FRS2: variants seen among roughly 807,000 people sequenced by gnomAD.
The protein encoded by FRS2 is FGFR signalling adaptor.
FRS2 carries 8 observed loss-of-function variants against 43.9 expected under a neutral mutation model. That is an observed-to-expected ratio of 0.18 (90% CI 0.11 to 0.33). The LOEUF (loss-of-function observed/expected upper bound fraction) is 0.33. FRS2 is among the 10% of genes least tolerant of loss of function. The probability of loss-of-function intolerance (pLI) is 1.00; values close to 1 mark genes in which losing one functional copy is unlikely to be tolerated. For synonymous variants in FRS2, 219 were observed against 220.3 expected, an observed-to-expected ratio of 0.99 and a Z score of 0.05; for missense variants, 534 against 627.6, an observed-to-expected ratio of 0.85 and a Z score of 1.59.
chr12:69,505,223 G>C (rs897699573), intron 1 of FRS2, among the ~76,000 whole-genome samples: 1 of 152,138 alleles, frequency 6.6e-6, no homozygotes, highest in Non-Finnish European at 1.5e-5. Context: ...ATTAGCAAAT[G>C]AGGAAATGGA....
rs192716676 is a variant in FRS2, at chr12:69,513,940, G to A, written c.-260-16925G>A. Among the ~76,000 whole-genome samples, 6 of 152,062 alleles carry A rather than the reference G, an allele frequency of 3.9e-5. No homozygotes were observed. The East Asian group carries it at 1.2e-3, about 29-fold the overall frequency. The stretch of plus-strand genomic sequence containing the variant: ...AGATATTTCTCACTTTCTAAATTAA[G>A]AAAATAATTATCTATAATTTATAAA... On this transcript the variant is annotated intron_variant, in intron 1 of 8. Transcript: ENST00000549921.
rs561795723 is a variant in FRS2, at chr12:69,536,147, C to T, written c.-122+4091C>T. Among the ~76,000 whole-genome samples, 107 of 44,704 alleles carry T rather than the reference C, an allele frequency of 2.4e-3. 5 individuals are homozygous for T. Among genetic ancestry groups the T allele is most frequent in the African/African-American group, 4.8e-3 (61 of 12,726 alleles). The allele number at this position is 44,704 out of a possible 152,430, so 29.3% of individuals were successfully genotyped here. On this transcript the variant is annotated intron_variant, in intron 3 of 8. Transcript: ENST00000549921. The stretch of plus-strand genomic sequence containing the variant: ...TTTTTTTTTTTTTTTTTTTTGGAGA[C>T]GAAGTCTTACTCTGTTACCCAGGCT...
rs760085317 is a variant in FRS2, at chr12:69,574,581, A to T, written c.1153A>T (p.Asn385Tyr). 2 of 1,613,928 alleles carry T rather than the reference A, an allele frequency of 1.2e-6. No homozygotes were observed. Among genetic ancestry groups the T allele is most frequent in the Admixed American group, 3.3e-5 (2 of 59,998 alleles). The change falls in exon 9 of 9, where the codon AAT becomes TAT. Residue 385 changes from asparagine (N) to tyrosine (Y), a missense_variant. This residue lies in a region of FRS2 where 446 missense variants were observed against 494.2 expected (regional missense o/e 0.90). Coordinates refer to ENST00000549921, the MANE Select transcript of FRS2 (RefSeq NM_001278356.2). ...CCCATCTCTAAATGGCTACCATAAT[A>T]ATCTAGATCCAATGCATAACTATGT... ...KTPSLNGYHN[N>Y]LDPMHNYVNT...
intron 1 of FRS2, among the ~76,000 whole-genome samples, chr12:69,489,576 A>G (rs1592926658): frequency 1.3e-5 from 2 of 151,756 alleles, no homozygotes; most frequent in East Asian, 3.9e-4. Flanking sequence ...AGGCTGAGGC[A>G]GGAGAATCGC....
At chr12:69,530,145 CAAT>C (rs1264001649) in intron 1 of FRS2, among the ~76,000 whole-genome samples, 2 of 151,914 alleles carry the variant, frequency 1.3e-5, no homozygotes, top group African/African-American at 2.4e-5. Context: ...TTGACAATAA[CAAT>C]AATAATTGCT....
chr12:69,522,290 G>A (rs1223040499), intron 1 of FRS2, among the ~76,000 whole-genome samples: 3 of 150,984 alleles, frequency 2.0e-5, no homozygotes, highest in Non-Finnish European at 4.4e-5. Flanking sequence ...ATGAGTTAAG[G>A]AGGAGTCCCT....
chr12:69,562,312 C>T (rs902257620), intron 4 of FRS2, 38 bp downstream of exon 4: 2 of 397,994 alleles, frequency 5.0e-6, no homozygotes, highest in African/African-American at 4.1e-5. Context: ...ATCACTAAGC[C>T]TACATTTACA....
chr12:69,499,989 G>A (rs749757437), intron 1 of FRS2, among the ~76,000 whole-genome samples: 11 of 151,986 alleles, frequency 7.2e-5, no homozygotes, highest in Non-Finnish European at 1.5e-4. Flanking sequence ...TTTTTTGAGG[G>A]CCATTCCAAG....
At chr12:69,564,708 A>G (rs1880142662) in intron 4 of FRS2, among the ~76,000 whole-genome samples, 1 of 152,038 alleles carries the variant, frequency 6.6e-6, no homozygotes, top group Non-Finnish European at 1.5e-5. Context: ...TCATTTTTTA[A>G]TAATCTCAAA....
intron 1 of FRS2, among the ~76,000 whole-genome samples, chr12:69,479,408 C>CTTTTT (rs1265634240): frequency 1.1e-5 from 1 of 88,436 alleles, no homozygotes; most frequent in Non-Finnish European, 2.3e-5. Flanking sequence ...TTTTTTTTTT[C>CTTTTT]TTTTTTTTTG....
intron 3 of FRS2, among the ~76,000 whole-genome samples, chr12:69,543,653 T>A (rs1352732485): frequency 6.6e-6 from 1 of 152,200 alleles, no homozygotes; most frequent in Non-Finnish European, 1.5e-5. Context: ...TCAGGAAAAT[T>A]CTTCAATAAA....
At chr12:69,489,932 G>T (rs1394661214) in intron 1 of FRS2, among the ~76,000 whole-genome samples, 1 of 150,758 alleles carries the variant, frequency 6.6e-6, no homozygotes, top group Non-Finnish European at 1.5e-5. Flanking sequence ...GTATATTGTA[G>T]ACCTCAAGAG....
At chr12:69,540,205 A>G (rs1485892408) in intron 3 of FRS2, among the ~76,000 whole-genome samples, 10 of 152,232 alleles carry the variant, frequency 6.6e-5, no homozygotes, top group South Asian at 4.2e-4. Flanking sequence ...GTGAGCCGAG[A>G]TGGCTCCACT....
At chr12:69,521,740 A>C (rs549969861) in intron 1 of FRS2, among the ~76,000 whole-genome samples, 1 of 151,950 alleles carries the variant, frequency 6.6e-6, no homozygotes, top group Non-Finnish European at 1.5e-5. Context: ...TCAGCCTCCC[A>C]AGTAGCTGGG....
In FRS2 at chr12:69,574,913, A is replaced by G; in HGVS notation, c.1485A>G (p.Thr495=). ...LQKALPRDDG[T]SRKTRHNSTD... ...AAGCACTGCCACGAGATGATGGTAC[A>G]TCTAGGAAAACTAGACACAATAGTA... Residue 495 remains threonine, a synonymous_variant, in exon 9 of 9, where the codon ACA becomes ACG. Coordinates refer to ENST00000549921, the MANE Select transcript of FRS2 (RefSeq NM_001278356.2). 1 of 1,613,500 alleles carries G rather than the reference A, an allele frequency of 6.2e-7. No individual in the cohort carries two copies. Among genetic ancestry groups the G allele is most frequent in the South Asian group, 1.1e-5 (1 of 91,066 alleles).
chr12:69,483,606 T>C (rs1272913682), intron 1 of FRS2, among the ~76,000 whole-genome samples: 1 of 152,086 alleles, frequency 6.6e-6, no homozygotes, highest in Non-Finnish European at 1.5e-5. Flanking sequence ...TTTTGTTTGC[T>C]ACTTTTTACA....
At chr12:69,513,441 A>G (rs1052751146) in intron 1 of FRS2, among the ~76,000 whole-genome samples, 4 of 152,154 alleles carry the variant, frequency 2.6e-5, no homozygotes, top group Admixed American at 1.3e-4. Context: ...CCTTGTATCA[A>G]CATTTTTACT....
At chr12:69,568,681 AAATT>A (rs1460015348) in intron 4 of FRS2, among the ~76,000 whole-genome samples, 8 of 151,858 alleles carry the variant, frequency 5.3e-5, no homozygotes, top group African/African-American at 1.5e-4. Context: ...TCTTGAACAA[AAATT>A]AATTATTTAG....
chr12:69,572,375 T>A, intron 8 of FRS2, 94 bp downstream of exon 8: 2 of 956,710 alleles, frequency 2.1e-6, no homozygotes, highest in South Asian at 1.6e-5. Flanking sequence ...GCTTGAAGTT[T>A]AACTTTATCT....
Sources: gnomAD v4.1 joint callset for allele counts (sites outside exome capture counted in the v4.1 genomes callset) on GRCh38, gnomAD v4.1.1 for gene constraint, gnomAD v4.1.1 regional missense constraint, MANE v1.5 for transcripts, NCBI Gene and HGNC (gene_info 2026-07-23, HGNC 2026-07-21) for gene names.